Variants in SAMSN1 observed in about 807,000 individuals in gnomAD.
SAMSN1 encodes the protein SAM domain-containing protein SAMSN-1.
Under a neutral mutation model 42.0 loss-of-function variants are expected in SAMSN1, and 31 were observed. The ratio of observed to expected loss-of-function variants is 0.74; its 90% CI spans 0.55 to 1.00. SAMSN1 has a LOEUF of 1.00. Ranked by LOEUF, SAMSN1 falls within the 50% of genes least tolerant of loss-of-function variation. SAMSN1 has a pLI of 0.00. For missense variants in SAMSN1, 464 were observed against 439.4 expected (o/e 1.06, Z -0.50); for synonymous variants, 178 against 151.9 (o/e 1.17, Z -1.26).
intron 1 of SAMSN1, among the ~76,000 whole-genome samples, chr21:14,646,925 G>C (rs958106046): frequency 1.3e-5 from 2 of 151,996 alleles, no homozygotes; most frequent in African/African-American, 4.8e-5. Context: ...GAATATACAA[G>C]AATTAAAAAG....
rs149613184 is a variant in SAMSN1 at position 14,638,097 on chromosome 21, A to G, written c.156+4905T>C. ...CAAAAACCAGAAGACTAAAAACCAC[A>G]TTATATACATTCCCGCAAAGCTTGG... On this transcript the variant is annotated intron_variant, in intron 2 of 15. Transcript: ENST00000647101. Among the ~76,000 whole-genome samples the G allele has an allele frequency of 5.2e-3, 792 of 152,326 alleles. 4 individuals carry two copies. Among genetic ancestry groups the G allele is most frequent in the African/African-American group, 0.018 (737 of 41,568 alleles).
chr21:14,639,916 T>C (rs919471819), intron 2 of SAMSN1, among the ~76,000 whole-genome samples: 1 of 152,228 alleles, frequency 6.6e-6, no homozygotes, highest in African/African-American at 2.4e-5. Flanking sequence ...TTGGTTTCTC[T>C]TTGGACGAGC....
intron 1 of SAMSN1, among the ~76,000 whole-genome samples, chr21:14,544,366 T>A (rs1980251726): frequency 6.6e-6 from 1 of 152,176 alleles, no homozygotes; most frequent in Admixed American, 6.5e-5. Context: ...CTGCTCTTTA[T>A]TCATATAATA....
upstream of SAMSN1, chr21:14,585,576 A>G (rs992961804): frequency 2.6e-5 from 4 of 152,236 alleles, no homozygotes; most frequent in African/African-American, 9.6e-5. Flanking sequence ...TTTAAAACAA[A>G]CTGACCTTTC....
At chr21:14,649,599 A>G (rs964157811) in intron 1 of SAMSN1, among the ~76,000 whole-genome samples, 38 of 152,102 alleles carry the variant, frequency 2.5e-4, no homozygotes, top group Non-Finnish European at 5.0e-4. Flanking sequence ...GTTAAACCCC[A>G]TGTCTACTAA....
chr21:14,597,098 C>A (rs930259061), intron 6 of SAMSN1, among the ~76,000 whole-genome samples: 3 of 152,068 alleles, frequency 2.0e-5, no homozygotes, highest in Non-Finnish European at 4.4e-5. Context: ...ATTTGGTTGA[C>A]ACTGTCATTT....
At chr21:14,637,896 A>G (rs557124521) in intron 2 of SAMSN1, among the ~76,000 whole-genome samples, 51 of 152,256 alleles carry the variant, frequency 3.3e-4, no homozygotes, top group African/African-American at 1.2e-3. Context: ...CTTCACGTAC[A>G]CTGCAAAGGA....
At chr21:14,582,457 C>A in exon 2 of SAMSN1, 1 of 1,434,466 alleles carries the variant, frequency 7.0e-7, no homozygotes, top group African/African-American at 1.4e-5. Flanking sequence ...TGGTTAATTT[C>A]AAACAAGAAA....
At chr21:14,580,232 T>C (rs879203764) in intron 2 of SAMSN1, among the ~76,000 whole-genome samples, 1 of 152,234 alleles carries the variant, frequency 6.6e-6, no homozygotes, top group African/African-American at 2.4e-5. Context: ...CCTTTAGGAA[T>C]AGCAAATCAT....
chr21:14,501,047 G>A (rs1987132861), intron 5 of SAMSN1, among the ~76,000 whole-genome samples: 1 of 151,330 alleles, frequency 6.6e-6, no homozygotes, highest in Non-Finnish European at 1.5e-5. Context: ...GTGGTAGCAT[G>A]TATCTGTAGA....
At chr21:14,624,539 A>T (rs983399210) in intron 2 of SAMSN1, among the ~76,000 whole-genome samples, 3 of 152,192 alleles carry the variant, frequency 2.0e-5, no homozygotes, top group African/African-American at 7.2e-5. Context: ...GAAATGGATA[A>T]ATTCCTGGAC....
intron 1 of SAMSN1, among the ~76,000 whole-genome samples, chr21:14,527,562 A>G (rs1453623929): frequency 6.6e-6 from 1 of 152,164 alleles, no homozygotes; most frequent in Non-Finnish European, 1.5e-5. Context: ...GGTCTATTCT[A>G]TCTCTCTGGT....
At chr21:14,608,339 A>G (rs572074111) in intron 5 of SAMSN1, among the ~76,000 whole-genome samples, 117 of 152,334 alleles carry the variant, frequency 7.7e-4, no homozygotes, top group Admixed American at 1.2e-3. Flanking sequence ...GGGACTTTGC[A>G]TTGACCTCAG....
chr21:14,554,567 A>G (rs1980697599), intron 2 of SAMSN1, among the ~76,000 whole-genome samples: 1 of 151,892 alleles, frequency 6.6e-6, no homozygotes, highest in Admixed American at 6.6e-5. Context: ...CTGTTGTCAT[A>G]TGTCTGGAGA....
At chr21:14,564,835 G>A (rs1021001143) in intron 2 of SAMSN1, among the ~76,000 whole-genome samples, 5 of 152,076 alleles carry the variant, frequency 3.3e-5, no homozygotes, top group African/African-American at 9.7e-5. Flanking sequence ...GGAAGAAACC[G>A]AAGGCTGGGG....
At chr21:14,623,462 C>A (rs1254571607) in intron 2 of SAMSN1, among the ~76,000 whole-genome samples, 4 of 152,088 alleles carry the variant, frequency 2.6e-5, no homozygotes, top group Non-Finnish European at 5.9e-5. Flanking sequence ...CAAAAAAAGG[C>A]AGGGGTTGCA....
rs1981513270 is a variant in SAMSN1, at chr21:14,577,253, TATATATATATATATATATATATATATA to T, written c.261+4856_261+4882del. Among the ~76,000 whole-genome samples, 4 of 37,354 alleles carry T rather than the reference TATATATATATATATATATATATATATA, an allele frequency of 1.1e-4. 1 individual carries two copies. Among genetic ancestry groups the T allele is most frequent in the Middle Eastern group, 0.017 (2 of 120 alleles). 24.5% of individuals were successfully genotyped at this position (37,354 alleles called of 152,430 possible). ...ATATATGTGTGTATATATATATATA[TATATATATATATATATATATATATATA>T]TATATTTTTTTTTTAGAAGAGACAG... On this transcript the variant is annotated intron_variant, in intron 2 of 8. Transcript: ENST00000285670.
intron 2 of SAMSN1, among the ~76,000 whole-genome samples, chr21:14,575,255 C>T (rs1981423082): frequency 6.6e-6 from 1 of 152,060 alleles, no homozygotes; most frequent in South Asian, 2.1e-4. Context: ...TTAAATTGGT[C>T]ATAATTAAAA....
At chr21:14,565,674 CTG>C (rs959802829) in intron 2 of SAMSN1, among the ~76,000 whole-genome samples, 1 of 152,126 alleles carries the variant, frequency 6.6e-6, no homozygotes, top group African/African-American at 2.4e-5. Flanking sequence ...CAGAAAGAGA[CTG>C]TGGATCAGAG....
Sources: gnomAD v4.1 joint callset for allele counts (sites outside exome capture counted in the v4.1 genomes callset) on GRCh38, gnomAD v4.1.1 for gene constraint, MANE v1.5 for transcripts, NCBI Gene and HGNC (gene_info 2026-07-23, HGNC 2026-07-21) for gene names.